SMIM36: variants seen among roughly 807,000 people sequenced by gnomAD.
SMIM36 encodes small integral membrane protein 36.
chr17:55,455,799 AAAACAAAC>A (rs554626080), intron 4 of SMIM36, among the ~76,000 whole-genome samples: 3 of 151,820 alleles, frequency 2.0e-5, no homozygotes, highest in African/African-American at 4.8e-5. Flanking sequence ...TTCAAAAACA[AAAACAAAC>A]AAACAAACAA....
intron 4 of SMIM36, among the ~76,000 whole-genome samples, chr17:55,456,373 T>C (rs979145083): frequency 6.6e-6 from 1 of 152,196 alleles, no homozygotes; most frequent in Non-Finnish European, 1.5e-5. Flanking sequence ...TTTTCTCATC[T>C]GTAAAGCACA....
intron 1 of SMIM36, among the ~76,000 whole-genome samples, chr17:55,493,843 A>C (rs1909761430): frequency 6.8e-6 from 1 of 146,906 alleles, no homozygotes; most frequent in South Asian, 2.2e-4. Flanking sequence ...AAGCAGCAGC[A>C]GCTTGGGTAA....
chr17:55,489,099 C>T (rs532972173), intron 1 of SMIM36, among the ~76,000 whole-genome samples: 4 of 152,026 alleles, frequency 2.6e-5, no homozygotes, highest in Non-Finnish European at 5.9e-5. Context: ...AATGTAAGGC[C>T]GGGCACAATG....
chr17:55,522,449 G>A, the SMIM36 span, among the ~76,000 whole-genome samples: 1 of 152,172 alleles, frequency 6.6e-6, no homozygotes, highest in Non-Finnish European at 1.5e-5. Context: ...CACGTGGCTG[G>A]GGAGGCCTCA....
intron 1 of SMIM36, among the ~76,000 whole-genome samples, chr17:55,510,023 A>G (rs919269897): frequency 3.3e-5 from 5 of 152,140 alleles, no homozygotes; most frequent in Non-Finnish European, 7.3e-5. Context: ...GATCATCATC[A>G]TAGCTAACCC....
the SMIM36 span, among the ~76,000 whole-genome samples, chr17:55,530,555 C>T: frequency 5.3e-5 from 8 of 152,116 alleles, no homozygotes; most frequent in African/African-American, 1.2e-4. Flanking sequence ...GAGGCCAAGG[C>T]AGGCGGATCA....
chr17:55,499,926 G>C (rs1909877215), intron 1 of SMIM36, among the ~76,000 whole-genome samples: 1 of 107,624 alleles, frequency 9.3e-6, no homozygotes, highest in South Asian at 3.1e-4. Flanking sequence ...TAAAATAAAA[G>C]CAAGTAAACA....
At chr17:55,494,419 CTG>C (rs1909771413) in intron 1 of SMIM36, among the ~76,000 whole-genome samples, 1 of 152,022 alleles carries the variant, frequency 6.6e-6, no homozygotes, top group African/African-American at 2.4e-5. Flanking sequence ...AAAAAACTTC[CTG>C]GATCAAGTTC....
intron 1 of SMIM36, among the ~76,000 whole-genome samples, chr17:55,500,112 T>A (rs1909881282): frequency 6.6e-6 from 1 of 151,824 alleles, no homozygotes; most frequent in African/African-American, 2.4e-5. Flanking sequence ...ATTTCCTTGC[T>A]GGTAATTAAA....
intron 4 of SMIM36, among the ~76,000 whole-genome samples, chr17:55,452,777 T>C (rs183605481): frequency 1.5e-4 from 23 of 152,350 alleles, no homozygotes; most frequent in African/African-American, 5.5e-4. Context: ...ATATTTTGGG[T>C]ACTCTCCTCC....
intron 1 of SMIM36, among the ~76,000 whole-genome samples, chr17:55,499,994 T>A (rs1234211710): frequency 1.3e-5 from 2 of 152,094 alleles, no homozygotes; most frequent in Non-Finnish European, 2.9e-5. Context: ...TAATAGGACC[T>A]CAGTTCCTGG....
chr17:55,502,490 C>T (rs1402977628), intron 1 of SMIM36, among the ~76,000 whole-genome samples: 1 of 108,550 alleles, frequency 9.2e-6, no homozygotes, highest in Non-Finnish European at 1.8e-5. Context: ...GCAGGGTATT[C>T]CAACAGACCT....
intron 1 of SMIM36, among the ~76,000 whole-genome samples, chr17:55,500,751 C>T (rs1909896646): frequency 1.0e-5 from 1 of 99,850 alleles, no homozygotes; most frequent in Non-Finnish European, 1.9e-5. Flanking sequence ...AAAAGTATTT[C>T]ACTTATGTTT....
chr17:55,496,843 TA>T (rs1909816457), intron 1 of SMIM36, among the ~76,000 whole-genome samples: 1 of 152,190 alleles, frequency 6.6e-6, no homozygotes, highest in Non-Finnish European at 1.5e-5. Flanking sequence ...AACTCAGGAC[TA>T]AAAGTCAGGA....
At chr17:55,526,732 A>G in the SMIM36 span, among the ~76,000 whole-genome samples, 1 of 152,214 alleles carries the variant, frequency 6.6e-6, no homozygotes, top group Non-Finnish European at 1.5e-5. Flanking sequence ...TCTTTGGGCG[A>G]CAACAGAAAA....
At chr17:55,532,055 C>A in the SMIM36 span, among the ~76,000 whole-genome samples, 2 of 152,338 alleles carry the variant, frequency 1.3e-5, no homozygotes, top group African/African-American at 4.8e-5. Context: ...CGAAAAGTCT[C>A]ACCTGTGTAA....
At chr17:55,515,286 C>T (rs940235188), upstream of SMIM36, among the ~76,000 whole-genome samples, 7 of 152,020 alleles carry the variant, frequency 4.6e-5, no homozygotes, top group African/African-American at 1.7e-4. Flanking sequence ...TAACTTTCAA[C>T]CTACCACCCT....
the SMIM36 span, among the ~76,000 whole-genome samples, chr17:55,526,109 C>T: frequency 5.3e-5 from 8 of 152,024 alleles, no homozygotes; most frequent in Non-Finnish European, 1.2e-4. Flanking sequence ...ATCTTTACAA[C>T]GTTTCTCTAA....
chr17:55,494,729 A>T (rs866832258), intron 1 of SMIM36, among the ~76,000 whole-genome samples: 1 of 152,194 alleles, frequency 6.6e-6, no homozygotes, highest in African/African-American at 2.4e-5. Flanking sequence ...TTATAAGTAT[A>T]TAAGTATATA....
Sources: allele counts gnomAD v4.1 joint callset (sites outside exome capture counted in the v4.1 genomes callset), GRCh38; gene constraint gnomAD v4.1.1; transcripts MANE v1.5; gene names NCBI Gene and HGNC (gene_info 2026-07-23, HGNC 2026-07-21).